ZNF292: variants seen among roughly 807,000 people sequenced by gnomAD.
The protein encoded by ZNF292 is zinc finger protein 292.
A neutral mutation model predicts 217.9 loss-of-function variants in ZNF292; 26 were observed. The ratio of observed to expected loss-of-function variants is 0.12; its 90% CI spans 0.09 to 0.17. The LOEUF (loss-of-function observed/expected upper bound fraction) is 0.17. ZNF292 is among the 10% of genes least tolerant of loss of function. The probability of loss-of-function intolerance (pLI) is 1.00; values close to 1 mark genes in which losing one functional copy is unlikely to be tolerated. For missense variants in ZNF292, 2,904 were observed against 3,175.2 expected, an observed-to-expected ratio of 0.91 and a Z score of 2.05; for synonymous variants, 1,257 against 1,124.1, an observed-to-expected ratio of 1.12 and a Z score of -2.37.
At chr6:87,232,212 A>G (rs1297168222) in intron 4 of ZNF292, among the ~76,000 whole-genome samples, 1 of 152,126 alleles carries the variant, frequency 6.6e-6, no homozygotes, top group Non-Finnish European at 1.5e-5. Flanking sequence ...TTTAATACCA[A>G]CGAGCCATGA....
At chr6:87,160,941 A>T (rs1051479094) in intron 1 of ZNF292, among the ~76,000 whole-genome samples, 1 of 152,166 alleles carries the variant, frequency 6.6e-6, no homozygotes, top group Non-Finnish European at 1.5e-5. Context: ...AGAAACATTG[A>T]ACAGAAAGAA....
chr6:87,196,881 A>T (rs1771966349), intron 1 of ZNF292, among the ~76,000 whole-genome samples: 1 of 152,360 alleles, frequency 6.6e-6, no homozygotes, highest in South Asian at 2.1e-4. Flanking sequence ...ATAAAAATGA[A>T]TTTTTATGGT....
intron 7 of ZNF292, among the ~76,000 whole-genome samples, chr6:87,247,170 T>TCAAAAA (rs1562173027): frequency 7.3e-6 from 1 of 137,566 alleles, no homozygotes; most frequent in Non-Finnish European, 1.5e-5. Flanking sequence ...AGACTTGGTC[T>TCAAAAA]TAAAAAAAAA....
intron 4 of ZNF292, among the ~76,000 whole-genome samples, chr6:87,231,851 GA>G (rs1773674218): frequency 6.6e-6 from 1 of 152,106 alleles, no homozygotes; most frequent in East Asian, 1.9e-4. Context: ...TTCCTTTGGA[GA>G]AAATTGTTGA....
intron 1 of ZNF292, among the ~76,000 whole-genome samples, chr6:87,201,669 A>G (rs2182181): frequency 0.63 from 96,296 of 152,016 alleles, 32,142 homozygotes; most frequent in African/African-American, 0.85. Flanking sequence ...CTCCCAAAGT[A>G]CTAGGGTTAC....
At chr6:87,226,212 T>G (rs1773335054) in intron 4 of ZNF292, among the ~76,000 whole-genome samples, 2 of 152,210 alleles carry the variant, frequency 1.3e-5, no homozygotes, top group South Asian at 4.1e-4. Flanking sequence ...GTTCTCTTTT[T>G]TCCCCCCAGA....
rs775879691 is a variant in ZNF292, at chr6:87,257,564, G to A, written c.3935G>A (p.Gly1312Glu). The part of the protein sequence containing the change: ...EGNTNSSFLK[G>E]GNGENAVFPS... Reference sequence around the variant, plus strand: ...AACACTAATTCCTCCTTTCTAAAGGGGGGTAATGGTGAAAATGCAGTTTTT... The same window carrying A: ...AACACTAATTCCTCCTTTCTAAAGGAGGGTAATGGTGAAAATGCAGTTTTT... The change falls in exon 8 of 8, where the codon GGG becomes GAG. Residue 1312 changes from glycine (G) to glutamate (E), a missense_variant. Gly to Glu is a moderately conservative substitution (Grantham distance 98, BLOSUM62 -2). Around this residue, in one of 15 missense-constraint regions of ZNF292, gnomAD observed 687 missense variants for 623.0 expected, o/e 1.10. Transcript: ENST00000369577. 6.2e-7 allele frequency: 1 copy of A among 1,606,804 alleles called. No individual in the cohort carries two copies. Among genetic ancestry groups the A allele is most frequent in the Non-Finnish European group, 8.5e-7 (1 of 1,176,262 alleles).
rs1451892275 is a variant in ZNF292 at position 87,260,327 on chromosome 6, A to G, written c.6698A>G (p.Tyr2233Cys). ...TCTTCATTTACTACATATTTGAACTATGTTGTTCATCTAGAGGCAGACCAC... is the reference window on the plus strand; with the variant it reads ...TCTTCATTTACTACATATTTGAACTGTGTTGTTCATCTAGAGGCAGACCAC... Reference protein sequence around the residue: ...CKSSFTTYLNYVVHLEADHGI... With the variant: ...CKSSFTTYLNCVVHLEADHGI... Residue 2233 changes from tyrosine to cysteine, a missense_variant, in exon 8 of 8, where the codon TAT (tyrosine) becomes TGT (cysteine). Tyr to Cys is a radical substitution (Grantham distance 194). Around this residue, in one of 15 missense-constraint regions of ZNF292, gnomAD observed 55 missense variants for 99.8 expected, o/e 0.55. Transcript: ENST00000369577. The G allele has an allele frequency of 6.2e-7, 1 of 1,613,360 alleles. No homozygotes were observed. The highest frequency in any genetic ancestry group is 8.5e-7 in the Non-Finnish European group (1 of 1,179,554).
chr6:87,221,554 C>T (rs1458657216), intron 4 of ZNF292, among the ~76,000 whole-genome samples: 1 of 152,082 alleles, frequency 6.6e-6, no homozygotes, highest in Non-Finnish European at 1.5e-5. Flanking sequence ...CCTCTAAAGC[C>T]ATAGTAAAGT....
chr6:87,228,446 T>A (rs1459147419), intron 4 of ZNF292, among the ~76,000 whole-genome samples: 1 of 152,164 alleles, frequency 6.6e-6, no homozygotes, highest in African/African-American at 2.4e-5. Context: ...GTGATGTAGT[T>A]TTATTTTTGC....
chr6:87,156,758 T>C (rs1325635650), intron 1 of ZNF292, among the ~76,000 whole-genome samples: 2 of 152,218 alleles, frequency 1.3e-5, no homozygotes, highest in African/African-American at 4.8e-5. Context: ...AATAACACTG[T>C]TTGCTAGTGA....
intron 3 of ZNF292, among the ~76,000 whole-genome samples, chr6:87,218,075 G>C (rs1772879251): frequency 6.6e-6 from 1 of 152,114 alleles, no homozygotes; most frequent in Admixed American, 6.6e-5. Context: ...GAAACAACTA[G>C]CAGGCAAGGT....
intron 1 of ZNF292, among the ~76,000 whole-genome samples, chr6:87,156,068 A>C (rs927264142): frequency 3.3e-5 from 5 of 152,206 alleles, no homozygotes; most frequent in Admixed American, 3.3e-4. Flanking sequence ...CGGATTGGAG[A>C]GAGTAGGAGA....
Position 87,233,325 on chromosome 6 carries a change from T to C in ZNF292, c.539T>C (p.Val180Ala), listed in dbSNP as rs774802679. 1 of 1,601,096 alleles carries C rather than the reference T, an allele frequency of 6.2e-7. No homozygotes were observed. Among genetic ancestry groups the C allele is most frequent in the African/African-American group, 1.3e-5 (1 of 74,604 alleles). ...LSQEPLDKDK[V>A]NEFLAFEGPI... ...ATCTATTATGTCTTGTTTTTTAAAG[T>C]GAATGAATTTTTAGCTTTTGAGGGT... Residue 180 changes from valine to alanine, a missense_variant and splice_region_variant, in exon 5 of 8, where the codon GTG becomes GCG. Coordinates refer to ENST00000369577, the MANE Select transcript of ZNF292 (RefSeq NM_015021.3).
chr6:87,183,749 CAGATAAGCCATTATTCATAA>C (rs1331024151), intron 1 of ZNF292, among the ~76,000 whole-genome samples: 10 of 152,208 alleles, frequency 6.6e-5, no homozygotes, highest in Non-Finnish European at 1.0e-4. Flanking sequence ...CAGTTATAAG[CAGATAAGCCATTATTCATAA>C]AGAAATAGGT....
chr6:87,236,908 C>A (rs1458647367), intron 5 of ZNF292, among the ~76,000 whole-genome samples: 1 of 152,122 alleles, frequency 6.6e-6, no homozygotes, highest in Non-Finnish European at 1.5e-5. Context: ...TAGACACTTA[C>A]TTATATTGTT....
intron 1 of ZNF292, among the ~76,000 whole-genome samples, chr6:87,210,767 A>G (rs182703655): frequency 6.6e-6 from 1 of 152,110 alleles, no homozygotes; most frequent in East Asian, 1.9e-4. Context: ...GGAACAGAAC[A>G]AGACTCTGTC....
Position 87,261,108 on chromosome 6 carries a change from A to T in ZNF292, c.7479A>T (p.Ile2493=), listed in dbSNP as rs1775564388. ...CAGAATTGTTTATTACAAAATTAATAAATGAAGATAGCACAAGTGTAGAGA... is the reference window on the plus strand; with the variant it reads ...CAGAATTGTTTATTACAAAATTAATTAATGAAGATAGCACAAGTGTAGAGA... ...ELTELFITKL[I]NEDSTSVETQ... Residue 2493 remains isoleucine, a synonymous_variant, in exon 8 of 8, where the codon ATA becomes ATT. Transcript: ENST00000369577. 1.2e-6 allele frequency: 2 copies of T among 1,611,674 alleles called. No homozygotes were observed. The highest frequency in any genetic ancestry group is 2.7e-5 in the African/African-American group (2 of 74,908).
intron 1 of ZNF292, among the ~76,000 whole-genome samples, chr6:87,193,029 G>C (rs180960519): frequency 6.6e-6 from 1 of 152,320 alleles, no homozygotes; most frequent in East Asian, 1.9e-4. Context: ...TTTCATTCCT[G>C]TTGTCCCAGC....
Sources: gnomAD v4.1 joint callset for allele counts (sites outside exome capture counted in the v4.1 genomes callset) on GRCh38, gnomAD v4.1.1 for gene constraint, gnomAD v4.1.1 regional missense constraint, MANE v1.5 for transcripts, NCBI Gene and HGNC (gene_info 2026-07-23, HGNC 2026-07-21) for gene names.